CRYBG3: variants seen among roughly 807,000 people sequenced by gnomAD.
CRYBG3 encodes very large A-kinase anchor protein.
A neutral mutation model predicts 244.2 loss-of-function variants in CRYBG3; 127 were observed. The observed-to-expected ratio is 0.52, with a 90% CI of 0.45 to 0.60. The LOEUF is 0.60. CRYBG3 is among the 20% of genes least tolerant of loss of function. The pLI is 0.00. For synonymous variants in CRYBG3, 1,132 were observed against 1,195.8 expected (o/e 0.95, Z 1.10); for missense variants, 3,325 against 3,442.5 (o/e 0.97, Z 0.85).
At chr3:97,848,371 G>T (rs1246648172) in intron 2 of CRYBG3, among the ~76,000 whole-genome samples, 1 of 151,998 alleles carries the variant, frequency 6.6e-6, no homozygotes, top group Non-Finnish European at 1.5e-5. Context: ...GCGCGATCTC[G>T]GCTCACTGAA....
At chr3:97,867,720 A>G (rs1297136456) in intron 3 of CRYBG3, among the ~76,000 whole-genome samples, 1 of 152,198 alleles carries the variant, frequency 6.6e-6, no homozygotes, top group African/African-American at 2.4e-5. Flanking sequence ...TCCTATGTGT[A>G]ATTACAAAAT....
chr3:97,874,152 G>C lies in CRYBG3; in HGVS notation c.2958G>C (p.Ala986=), dbSNP rs953805241. 6.5e-7 allele frequency: 1 copy of C among 1,532,578 alleles called. No homozygotes were observed. The highest frequency in any genetic ancestry group is 1.2e-5 in the South Asian group (1 of 82,958). 94.9% of individuals were successfully genotyped at this position (1,532,578 alleles called of 1,614,324 possible). A position where few individuals can be genotyped will look rare whatever the true frequency, so the allele number is the denominator to read the frequency against. ...TKKISGHSEM[A]ELSLTNISPK... is the part of the protein sequence containing the mutation. ...AGATTTCTGGTCACTCAGAAATGGC[G>C]GAACTCAGCTTAACTAATATTTCCC... The change falls in exon 4 of 22, where the codon GCG becomes GCC. Residue 986 remains alanine (A), a synonymous_variant. Transcript: ENST00000389622.
chr3:97,876,162 A>G lies in CRYBG3; in HGVS notation c.4968A>G (p.Val1656=). The G allele has an allele frequency of 8.1e-7, 1 of 1,231,972 alleles. No individual in the cohort carries two copies. The highest frequency in any genetic ancestry group is 1.0e-6 in the Non-Finnish European group (1 of 987,910). 76.3% of individuals were successfully genotyped at this position (1,231,972 alleles called of 1,614,324 possible). A position where few individuals can be genotyped will look rare whatever the true frequency, so the allele number is the denominator to read the frequency against. Residue 1656 remains valine, a synonymous_variant, in exon 4 of 22, where the codon GTA becomes GTG. Coordinates refer to ENST00000389622, the MANE Select transcript of CRYBG3 (RefSeq NM_153605.4). ...AAAAGGATGCTGAAGGGGATATTGT[A>G]AAGACTGAGATGACACCTGTTACAG... ...IHQKDAEGDI[V]KTEMTPVTVD... is the part of the protein sequence containing the mutation.
chr3:97,840,292 ATT>A (rs1407436164), intron 1 of CRYBG3, among the ~76,000 whole-genome samples: 1 of 152,136 alleles, frequency 6.6e-6, no homozygotes, highest in Non-Finnish European at 1.5e-5. Flanking sequence ...AAGTGTTGAA[ATT>A]TTAATAAAAG....
At chr3:97,883,066 G>A (rs1046025731) in intron 7 of CRYBG3, among the ~76,000 whole-genome samples, 2 of 152,086 alleles carry the variant, frequency 1.3e-5, no homozygotes, top group East Asian at 1.9e-4. Flanking sequence ...TTGGGAAGAG[G>A]CGTGTCACCT....
intron 17 of CRYBG3, among the ~76,000 whole-genome samples, chr3:97,923,613 AAGG>A (rs1341241306): frequency 6.6e-6 from 1 of 152,090 alleles, no homozygotes; most frequent in Non-Finnish European, 1.5e-5. Flanking sequence ...TAAAACAAAA[AAGG>A]AGAAAACAAA....
At chr3:97,927,704 A>C (rs1260354580) in intron 17 of CRYBG3, among the ~76,000 whole-genome samples, 1 of 151,860 alleles carries the variant, frequency 6.6e-6, no homozygotes, top group Non-Finnish European at 1.5e-5. Context: ...GGAACAAATC[A>C]ACAAGCAAAA....
At chr3:97,862,966 T>C (rs2039172246) in intron 2 of CRYBG3, among the ~76,000 whole-genome samples, 1 of 152,186 alleles carries the variant, frequency 6.6e-6, no homozygotes, top group African/African-American at 2.4e-5. Context: ...TTTCATATGC[T>C]AAATCTTTTT....
rs745682709 is a variant in CRYBG3 at position 97,899,206 on chromosome 3, C to T, written c.7914C>T (p.Cys2638=). 6.2e-6 allele frequency: 10 copies of T among 1,613,598 alleles called. No homozygotes were observed. The highest frequency in any genetic ancestry group is 8.5e-6 in the Non-Finnish European group (10 of 1,179,766). ...TTTTAGAAAAAGGGAAATACAAATG[C>T]TTTTTTGACTGGGGAGGATCAAATA... is the stretch of plus-strand genomic sequence containing the variant. ...QYILEKGKYK[C]FFDWGGSNNI... Residue 2638 remains cysteine (C), a synonymous_variant, in exon 14 of 22, where the codon TGC becomes TGT. Transcript: ENST00000389622.
At chr3:97,842,288 C>T (rs1317257561) in intron 1 of CRYBG3, among the ~76,000 whole-genome samples, 4 of 152,022 alleles carry the variant, frequency 2.6e-5, no homozygotes, top group Non-Finnish European at 2.9e-5. Flanking sequence ...GGAAGCTGGG[C>T]GTAGTGACTC....
At position 97,898,882 on chromosome 3, in the gene CRYBG3, G is replaced by T; in HGVS notation, c.7702-1G>T. The stretch of plus-strand genomic sequence containing the variant: ...CTAAACTTTCCTCTTTCTCCTTTTA[G>T]AATTTTATAGAATCTTCTGTCACAC... On this transcript the variant is annotated splice_acceptor_variant, in intron 12 of 21. Transcript: ENST00000389622. LOFTEE classifies it high-confidence loss of function. 6.3e-7 allele frequency: 1 copy of T among 1,578,734 alleles called. No homozygotes were observed. Among genetic ancestry groups the T allele is most frequent in the South Asian group, 1.2e-5 (1 of 85,078 alleles).
chr3:97,838,965 T>C (rs2038774237), intron 1 of CRYBG3, among the ~76,000 whole-genome samples: 1 of 152,086 alleles, frequency 6.6e-6, no homozygotes, highest in South Asian at 2.1e-4. Context: ...ATGAGGAGCT[T>C]TTATGTTACA....
chr3:97,907,894 A>G (rs1277741220), intron 15 of CRYBG3, among the ~76,000 whole-genome samples: 1 of 150,876 alleles, frequency 6.6e-6, no homozygotes, highest in Non-Finnish European at 1.5e-5. Flanking sequence ...AGTGCTATAA[A>G]TTTCCCTCTA....
At chr3:97,834,311 A>G (rs1163041064) in intron 1 of CRYBG3, among the ~76,000 whole-genome samples, 2 of 152,182 alleles carry the variant, frequency 1.3e-5, no homozygotes, top group African/African-American at 2.4e-5. Flanking sequence ...AATATTTTCT[A>G]TGTTCTTTAT....
intron 15 of CRYBG3, among the ~76,000 whole-genome samples, chr3:97,903,821 A>G (rs1194853626): frequency 6.6e-6 from 1 of 152,170 alleles, no homozygotes; most frequent in African/African-American, 2.4e-5. Flanking sequence ...TCTGCTCAAT[A>G]CTGGTAGTTC....
At chr3:97,892,585 C>T (rs1340518773) in intron 10 of CRYBG3, among the ~76,000 whole-genome samples, 1 of 152,000 alleles carries the variant, frequency 6.6e-6, no homozygotes, top group African/African-American at 2.4e-5. Context: ...CTGATAGGGG[C>T]TTTTTTCAAA....
intron 17 of CRYBG3, among the ~76,000 whole-genome samples, chr3:97,925,055 G>A (rs1162168054): frequency 1.3e-5 from 2 of 151,986 alleles, no homozygotes; most frequent in Non-Finnish European, 2.9e-5. Context: ...CAGTGCTTTG[G>A]GAGGCTGACC....
In CRYBG3 at chr3:97,874,452, A is replaced by G. The variant is rs1295442527; in HGVS notation, c.3258A>G (p.Ile1086Met). The G allele has an allele frequency of 2.6e-6, 4 of 1,534,802 alleles. 1 individual carries two copies. The South Asian group carries it at 3.6e-5, about 14-fold the overall frequency. Residue 1086 changes from isoleucine to methionine, a missense_variant, in exon 4 of 22, where the codon ATA (isoleucine) becomes ATG (methionine). Coordinates refer to ENST00000389622, the MANE Select transcript of CRYBG3 (RefSeq NM_153605.4). ...SHKPQNNLDS[I>M]QVTKDLTHEG... is the part of the protein sequence containing the mutation. ...AGCCCCAAAATAATTTGGATTCTAT[A>G]CAAGTTACCAAAGATCTCACACATG...
intron 18 of CRYBG3, among the ~76,000 whole-genome samples, chr3:97,935,828 A>C (rs779877477): frequency 4.6e-5 from 7 of 151,938 alleles, no homozygotes; most frequent in Admixed American, 4.6e-4. Context: ...CTTCATCCAC[A>C]AGGCTTTACC....
Sources: allele counts gnomAD v4.1 joint callset (sites outside exome capture counted in the v4.1 genomes callset), GRCh38; gene constraint gnomAD v4.1.1; transcripts MANE v1.5; gene names NCBI Gene and HGNC (gene_info 2026-07-23, HGNC 2026-07-21).